Variants in GRIK1 observed in about 807,000 individuals in gnomAD.
GRIK1 encodes glutamate receptor ionotropic, kainate 1.
A neutral mutation model predicts 105.7 loss-of-function variants in GRIK1; 69 were observed. The observed-to-expected ratio is 0.65, with a 90% CI of 0.54 to 0.80. GRIK1 has a LOEUF of 0.80. Among genes scored for constraint, GRIK1 ranks in the 30% least tolerant of loss-of-function variants. The probability of loss-of-function intolerance (pLI) is 0.00; values close to 1 mark genes in which losing one functional copy is unlikely to be tolerated. For missense variants in GRIK1, 1,109 were observed against 1,167.3 expected (o/e 0.95, Z 0.73); for synonymous variants, 438 against 431.3 (o/e 1.02, Z -0.19).
chr21:29,601,688 G>T (rs1192567683), intron 7 of GRIK1, among the ~76,000 whole-genome samples: 1 of 152,150 alleles, frequency 6.6e-6, no homozygotes, highest in African/African-American at 2.4e-5. Context: ...TTGAGGCACA[G>T]GCCTCCCAGC....
chr21:29,921,092 A>C (rs959824085), intron 1 of GRIK1, among the ~76,000 whole-genome samples: 1 of 152,030 alleles, frequency 6.6e-6, no homozygotes, highest in African/African-American at 2.4e-5. Flanking sequence ...TGTGCATTGT[A>C]TGATGTCTAG....
intron 14 of GRIK1, among the ~76,000 whole-genome samples, chr21:29,575,794 T>TGGACTCCAGCCTGGGCGACAGAGCG (rs1202332484): frequency 1.3e-5 from 2 of 152,142 alleles, no homozygotes; most frequent in African/African-American, 4.8e-5. Context: ...ATCGCGCCAC[T>TGGACTCCAGCCTGGGCGACAGAGCG]GGACTCCAGC....
chr21:29,932,206 T>G (rs1569228840), intron 1 of GRIK1, among the ~76,000 whole-genome samples: 1 of 152,198 alleles, frequency 6.6e-6, no homozygotes, highest in African/African-American at 2.4e-5. Flanking sequence ...ATTTAACTGC[T>G]CTACTTGACA....
At chr21:29,802,358 T>A (rs1176900114) in intron 1 of GRIK1, among the ~76,000 whole-genome samples, 1 of 152,150 alleles carries the variant, frequency 6.6e-6, no homozygotes, top group Non-Finnish European at 1.5e-5. Flanking sequence ...CTTTTGACTC[T>A]TGACAATCAA....
At chr21:29,932,133 C>T (rs1436897727) in intron 1 of GRIK1, among the ~76,000 whole-genome samples, 2 of 152,100 alleles carry the variant, frequency 1.3e-5, no homozygotes, top group Non-Finnish European at 2.9e-5. Flanking sequence ...TGTATGTTTG[C>T]TTTGCCAGGA....
intron 1 of GRIK1, among the ~76,000 whole-genome samples, chr21:29,871,313 C>T (rs2069003778): frequency 6.6e-6 from 1 of 152,158 alleles, no homozygotes; most frequent in African/African-American, 2.4e-5. Flanking sequence ...GTGAAGCATC[C>T]TGCAAAGCCC....
chr21:29,547,914 G>A (rs773776145), intron 16 of GRIK1, among the ~76,000 whole-genome samples: 6 of 152,192 alleles, frequency 3.9e-5, no homozygotes, highest in Non-Finnish European at 7.3e-5. Flanking sequence ...AAATACCAAG[G>A]TTGAGTGGGT....
intron 1 of GRIK1, among the ~76,000 whole-genome samples, chr21:29,797,984 C>T (rs2066603580): frequency 6.6e-6 from 1 of 152,014 alleles, no homozygotes; most frequent in African/African-American, 2.4e-5. Context: ...GTTTTTAGTC[C>T]CAATGAGTAT....
At chr21:29,671,732 G>T (rs1001491097) in intron 4 of GRIK1, among the ~76,000 whole-genome samples, 1 of 152,154 alleles carries the variant, frequency 6.6e-6, no homozygotes, top group Non-Finnish European at 1.5e-5. Flanking sequence ...TGTTATTTTA[G>T]ATAAAAACTT....
chr21:29,894,894 T>C (rs1363156121), intron 1 of GRIK1, among the ~76,000 whole-genome samples: 1 of 152,198 alleles, frequency 6.6e-6, no homozygotes, highest in Non-Finnish European at 1.5e-5. Flanking sequence ...GGTAAATTCC[T>C]TGAAGGCAGT....
chr21:29,896,179 G>A (rs139308570), intron 1 of GRIK1, among the ~76,000 whole-genome samples: 2,031 of 152,256 alleles, frequency 0.013, 55 homozygotes, highest in African/African-American at 0.046. Context: ...ACACTCCAAA[G>A]GGAAGTTGTA....
At chr21:29,837,751 A>G (rs1231707327) in intron 1 of GRIK1, among the ~76,000 whole-genome samples, 2 of 150,970 alleles carry the variant, frequency 1.3e-5, no homozygotes, top group Non-Finnish European at 2.9e-5. Context: ...TAAGATTTAG[A>G]ATATAAAAAA....
At chr21:29,858,218 A>G (rs1272791481) in intron 1 of GRIK1, among the ~76,000 whole-genome samples, 1 of 152,050 alleles carries the variant, frequency 6.6e-6, no homozygotes, top group Admixed American at 6.5e-5. Flanking sequence ...ATTTTTAGAG[A>G]AAATAAAGGT....
intron 1 of GRIK1, among the ~76,000 whole-genome samples, chr21:29,882,314 G>C (rs2069445311): frequency 6.6e-6 from 1 of 151,914 alleles, no homozygotes; most frequent in African/African-American, 2.4e-5. Context: ...AAAGAGTTTG[G>C]CCCATACTTA....
intron 7 of GRIK1, among the ~76,000 whole-genome samples, chr21:29,617,751 T>A (rs578244991): frequency 6.6e-6 from 1 of 152,338 alleles, no homozygotes; most frequent in East Asian, 1.9e-4. Flanking sequence ...GAGTGTGACA[T>A]CAGATTCAAA....
At position 29,894,944 on chromosome 21, in the gene GRIK1, T is replaced by G. The variant is rs144075505; in HGVS notation, c.118+44439A>C. 2.9e-3 allele frequency among the ~76,000 whole-genome samples: 436 copies of G among 152,298 alleles called. 1 individual carries two copies. The highest frequency in any genetic ancestry group is 9.5e-3 in the African/African-American group (394 of 41,556). On this transcript the variant is annotated intron_variant, in intron 1 of 17. Coordinates refer to ENST00000327783, the MANE Select transcript of GRIK1 (RefSeq NM_001330994.2). The stretch of plus-strand genomic sequence containing the variant: ...TTCCCAACATCTGTCATAATATCTA[T>G]AAGTAGCCATTTAATATGTTTAGAA...
intron 1 of GRIK1, among the ~76,000 whole-genome samples, chr21:29,732,204 A>T (rs1042559572): frequency 1.3e-5 from 2 of 152,170 alleles, no homozygotes; most frequent in African/African-American, 4.8e-5. Flanking sequence ...GCATCCTGGG[A>T]AAGTTTCTCT....
chr21:29,582,633 GTCT>G (rs2091047239), intron 12 of GRIK1, among the ~76,000 whole-genome samples: 1 of 152,032 alleles, frequency 6.6e-6, no homozygotes, highest in South Asian at 2.1e-4. Flanking sequence ...CCCAAAGGAG[GTCT>G]CTGCTCTGTG....
chr21:29,787,673 A>G (rs1489352453), intron 1 of GRIK1, among the ~76,000 whole-genome samples: 1 of 152,234 alleles, frequency 6.6e-6, no homozygotes, highest in African/African-American at 2.4e-5. Context: ...AACAGTATTT[A>G]GAGATATCCT....
Sources: gnomAD v4.1 joint callset for allele counts (sites outside exome capture counted in the v4.1 genomes callset) on GRCh38, gnomAD v4.1.1 for gene constraint, MANE v1.5 for transcripts, NCBI Gene and HGNC (gene_info 2026-07-23, HGNC 2026-07-21) for gene names.